Variants in DNMT1 observed in about 807,000 individuals in gnomAD.
DNMT1 encodes DNA (cytosine-5)-methyltransferase 1.
A neutral mutation model predicts 205.3 loss-of-function variants in DNMT1; 24 were observed. The ratio of observed to expected loss-of-function variants is 0.12; its 90% CI spans 0.08 to 0.16. The LOEUF is 0.16. DNMT1 is among the 10% of genes least tolerant of loss of function. The probability of loss-of-function intolerance (pLI) is 1.00; values close to 1 mark genes in which losing one functional copy is unlikely to be tolerated. For missense variants in DNMT1, 1,293 were observed against 2,177.7 expected (o/e 0.59, Z 8.09); for synonymous variants, 817 against 839.8 (o/e 0.97, Z 0.47).
chr19:10,184,782 T>C (rs2039145678), intron 1 of DNMT1, among the ~76,000 whole-genome samples: 1 of 152,218 alleles, frequency 6.6e-6, no homozygotes, highest in East Asian at 1.9e-4. Flanking sequence ...AAGTGTCTGT[T>C]GGTGGAGAGA....
Position 10,173,009 on chromosome 19 carries a change from C to G in DNMT1, c.768+81G>C, listed in dbSNP as rs1043459503. ...CTTGTTCTTCCACGTTCCCCACCCC[C>G]TGTCCCCACGTCCTGGAAGGAAATT... On this transcript the variant is annotated intron_variant, in intron 9 of 40. Transcript: ENST00000359526. 9 of 1,534,404 alleles carry G rather than the reference C, an allele frequency of 5.9e-6. No homozygotes were observed. In the African/African-American group the frequency reaches 6.9e-5, roughly 12 times the overall value.
Position 10,173,187 on chromosome 19 carries a change from A to T in DNMT1, c.684-13T>A, listed in dbSNP as rs779080349. The T allele has an allele frequency of 1.2e-6, 2 of 1,614,148 alleles. No homozygotes were observed. The highest frequency in any genetic ancestry group is 1.7e-6 in the Non-Finnish European group (2 of 1,180,014). Reference sequence around the variant, plus strand: ...CGGTCTAGCAACTCTGTCAAGCAAAATAACACAGACCCCAAGTGTGAGTGC... The same window carrying T: ...CGGTCTAGCAACTCTGTCAAGCAAATTAACACAGACCCCAAGTGTGAGTGC... On this transcript the variant is annotated splice_polypyrimidine_tract_variant and intron_variant, in intron 8 of 40. Transcript: ENST00000359526.
Position 10,149,478 on chromosome 19 carries a change from G to C in DNMT1, c.2561C>G (p.Ala854Gly). ...CTCCATGGCCCAGTTTTCGGAGGGG[G>C]CTTTGTAGATGACTTTCACTTTGCT... ...IHSKVKVIYK[A>G]PSENWAMEGG... is the part of the protein sequence containing the mutation. Residue 854 changes from alanine to glycine, a missense_variant, in exon 26 of 41, where the codon GCC becomes GGC. Ala to Gly is a moderately conservative substitution (Grantham distance 60). Coordinates refer to ENST00000359526, the MANE Select transcript of DNMT1 (RefSeq NM_001130823.3). 6.2e-7 allele frequency: 1 copy of C among 1,614,132 alleles called. No homozygotes were observed. The highest frequency in any genetic ancestry group is 8.5e-7 in the Non-Finnish European group (1 of 1,180,004).
intron 27 of DNMT1, among the ~76,000 whole-genome samples, chr19:10,148,279 A>G (rs976325917): frequency 2.2e-4 from 33 of 151,154 alleles, no homozygotes; most frequent in African/African-American, 5.1e-4. Context: ...GGCAGATCAC[A>G]AGGTCAGGAG....
At chr19:10,192,026 G>A (rs982181425) in intron 1 of DNMT1, among the ~76,000 whole-genome samples, 31 of 152,034 alleles carry the variant, frequency 2.0e-4, no homozygotes, top group Admixed American at 1.8e-3. Flanking sequence ...GTTTCGCCAC[G>A]TTGGCCAGGC....
chr19:10,149,518 G>A lies in DNMT1; in HGVS notation c.2521C>T (p.Leu841Phe). Residue 841 changes from leucine (L) to phenylalanine (F), a missense_variant, in exon 26 of 41, where the codon CTT (leucine) becomes TTT (phenylalanine). Transcript: ENST00000359526. ...FLVDECEDMQ[L>F]SYIHSKVKVI... ...TTCACTTTGCTGTGGATATATGAAA[G>A]CTGCATGTCCTCACATTCATCCACC... 1 of 1,614,080 alleles carries A rather than the reference G, an allele frequency of 6.2e-7. No individual in the cohort carries two copies. Among genetic ancestry groups the A allele is most frequent in the African/African-American group, 1.3e-5 (1 of 75,006 alleles).
At chr19:10,163,801 G>A (rs1025461934) in intron 11 of DNMT1, among the ~76,000 whole-genome samples, 3 of 152,182 alleles carry the variant, frequency 2.0e-5, no homozygotes, top group African/African-American at 7.2e-5. Context: ...CCAGCACTTT[G>A]GGAAGCTAAG....
At chr19:10,136,048 C>T (rs1252852455) in intron 38 of DNMT1, 73 bp downstream of exon 38, 6 of 1,603,498 alleles carry the variant, frequency 3.7e-6, no homozygotes, top group Non-Finnish European at 5.1e-6. Context: ...TTGGCTAAAC[C>T]CACACTTCCA....
chr19:10,151,293 T>C lies in DNMT1; in HGVS notation c.2265+105A>G, dbSNP rs2038336977. 2 of 1,531,778 alleles carry C rather than the reference T, an allele frequency of 1.3e-6. No individual in the cohort carries two copies. Among genetic ancestry groups the C allele is most frequent in the African/African-American group, 1.4e-5 (1 of 73,578 alleles). 94.9% of individuals were successfully genotyped at this position (1,531,778 alleles called of 1,614,324 possible). ...AGGGGCAAACAGACAGGTTTCTTAG[T>C]GCCGGGGCTCAGGCTGCCTGAGAGG... On this transcript the variant is annotated intron_variant, in intron 24 of 40. Coordinates refer to ENST00000359526, the MANE Select transcript of DNMT1 (RefSeq NM_001130823.3). The surrounding 1 kb of genome is among the most constrained non-coding windows in gnomAD (Gnocchi z 5.0).
At chr19:10,157,201 C>CCGGCCCT (rs1164934658) in intron 17 of DNMT1, among the ~76,000 whole-genome samples, 22 of 152,326 alleles carry the variant, frequency 1.4e-4, no homozygotes, top group South Asian at 4.1e-4. Context: ...CTCCTCCCAA[C>CCGGCCCT]CGGCCCTCAG....
chr19:10,193,104 T>C (rs919654765), intron 1 of DNMT1, among the ~76,000 whole-genome samples: 4 of 152,108 alleles, frequency 2.6e-5, no homozygotes, highest in Non-Finnish European at 5.9e-5. Flanking sequence ...CTTGTAATCC[T>C]AACCTTTGGG....
chr19:10,180,084 C>T (rs2039015752), intron 5 of DNMT1, 103 bp downstream of exon 5: 3 of 492,678 alleles, frequency 6.1e-6, no homozygotes, highest in Non-Finnish European at 1.1e-5. Flanking sequence ...GAGGCCAAGG[C>T]AGGTGGATTA....
Position 10,143,918 on chromosome 19 carries a change from G to C in DNMT1, c.2964C>G (p.His988Gln). Residue 988 changes from histidine to glutamine, a missense_variant, in exon 29 of 41, where the codon CAC becomes CAG. Coordinates refer to ENST00000359526, the MANE Select transcript of DNMT1 (RefSeq NM_001130823.3). The stretch of plus-strand genomic sequence containing the variant: ...TGATGTAGTCGGAGTATTTCCGGTA[G>C]TGCTCTGGGTACAGGTCCTCATCCA... ...EPVDEDLYPE[H>Q]YRKYSDYIKG... The C allele has an allele frequency of 6.2e-7, 1 of 1,614,192 alleles. No individual in the cohort carries two copies. Among genetic ancestry groups the C allele is most frequent in the Non-Finnish European group, 8.5e-7 (1 of 1,180,042 alleles).
Position 10,169,186 on chromosome 19 carries a change from C to T in DNMT1, c.769-822G>A, listed in dbSNP as rs1462524223. On this transcript the variant is annotated intron_variant, in intron 9 of 40. Transcript: ENST00000359526. ...TGCCAGAGAATCAGGCAAGTCAAAT[C>T]CAACCCTCAGAAACTCCACATGTGG... 4.6e-5 allele frequency among the ~76,000 whole-genome samples: 7 copies of T among 151,790 alleles called. No individual in the cohort carries two copies. In the South Asian group the frequency reaches 6.3e-4, roughly 14 times the overall value.
In DNMT1 at chr19:10,149,627, G is replaced by A. The variant is rs755858168; in HGVS notation, c.2412C>T (p.Asn804=). 1.2e-5 allele frequency: 20 copies of A among 1,613,792 alleles called. No individual in the cohort carries two copies. Among genetic ancestry groups the A allele is most frequent in the Admixed American group, 3.3e-5 (2 of 59,990 alleles). ...RVTALWEDSS[N]GQMFHAHWFC... ...ACCAGTGGGCGTGAAACATCTGCCCGTTGCTGCTGTCCTCCCACAGCGCCG... is the reference window on the plus strand; with the variant it reads ...ACCAGTGGGCGTGAAACATCTGCCCATTGCTGCTGTCCTCCCACAGCGCCG... The change falls in exon 26 of 41, where the codon AAC becomes AAT. Residue 804 remains asparagine, a synonymous_variant. Coordinates refer to ENST00000359526, the MANE Select transcript of DNMT1 (RefSeq NM_001130823.3).
intron 11 of DNMT1, among the ~76,000 whole-genome samples, chr19:10,164,754 CCT>C (rs1280651785): frequency 6.6e-6 from 1 of 151,306 alleles, no homozygotes; most frequent in African/African-American, 2.4e-5. Context: ...ATGGTGAATC[CCT>C]GTCTCTACTA....
intron 1 of DNMT1, among the ~76,000 whole-genome samples, chr19:10,186,779 G>A (rs200938245): frequency 4.1e-5 from 6 of 146,876 alleles, no homozygotes; most frequent in African/African-American, 1.0e-4. Context: ...TGGAGGCTGC[G>A]GTGAGCCAAG....
At chr19:10,142,448 G>A (rs2089618898) in intron 29 of DNMT1, among the ~76,000 whole-genome samples, 1 of 151,096 alleles carries the variant, frequency 6.6e-6, no homozygotes, top group African/African-American at 2.4e-5. Context: ...GAACTGCAGG[G>A]TAAAGACCCC....
intron 12 of DNMT1, 90 bp from the exon 13 acceptor site, chr19:10,162,838 C>T: frequency 7.1e-7 from 1 of 1,414,796 alleles, no homozygotes; most frequent in Non-Finnish European, 9.9e-7. Flanking sequence ...CTAATGCCTC[C>T]CCATGGGAAA....
Sources: gnomAD v4.1 joint callset for allele counts (sites outside exome capture counted in the v4.1 genomes callset) on GRCh38, gnomAD v4.1.1 for gene constraint, Gnocchi (gnomAD v3.1) non-coding constraint, MANE v1.5 for transcripts, NCBI Gene and HGNC (gene_info 2026-07-23, HGNC 2026-07-21) for gene names.